Variants in MFHAS1 observed in about 807,000 individuals in gnomAD.
MFHAS1 encodes the protein malignant fibrous histiocytoma-amplified sequence 1.
MFHAS1 carries 50 observed loss-of-function variants against 70.4 expected under a neutral mutation model. The ratio of observed to expected loss-of-function variants is 0.71; its 90% CI spans 0.57 to 0.90. The LOEUF is 0.90. Ranked by LOEUF, MFHAS1 falls within the 40% of genes least tolerant of loss-of-function variation. MFHAS1 has a pLI of 0.00. For missense variants in MFHAS1, 1,795 were observed against 1,347.6 expected, an observed-to-expected ratio of 1.33 and a Z score of -5.20; for synonymous variants, 952 against 620.0, an observed-to-expected ratio of 1.54 and a Z score of -7.96.
chr8:8,859,389 C>A (rs1808577347), intron 1 of MFHAS1, among the ~76,000 whole-genome samples: 1 of 152,190 alleles, frequency 6.6e-6, no homozygotes, highest in South Asian at 2.1e-4. Context: ...AACTGTGGAA[C>A]TTCTCAGAGG....
intron 1 of MFHAS1, among the ~76,000 whole-genome samples, chr8:8,860,487 A>C (rs867554175): frequency 3.3e-5 from 5 of 152,220 alleles, no homozygotes; most frequent in African/African-American, 1.2e-4. Flanking sequence ...CTGAGAAAAT[A>C]AGGCATCAAG....
intron 1 of MFHAS1, among the ~76,000 whole-genome samples, chr8:8,845,906 C>G (rs1808013707): frequency 6.6e-6 from 1 of 152,076 alleles, no homozygotes; most frequent in Non-Finnish European, 1.5e-5. Context: ...CTCTTTCTCT[C>G]AAAACCCAGA....
intron 1 of MFHAS1, among the ~76,000 whole-genome samples, chr8:8,864,142 C>T (rs1467533848): frequency 1.3e-5 from 2 of 152,348 alleles, no homozygotes; most frequent in East Asian, 3.9e-4. Flanking sequence ...CGATTAAAGC[C>T]TTCTTCCCTG....
At position 8,817,196 on chromosome 8, in the gene MFHAS1, G is replaced by A. The variant is rs528303477; in HGVS notation, c.2999-19705C>T. Among the ~76,000 whole-genome samples, 14 of 151,584 alleles carry A rather than the reference G, an allele frequency of 9.2e-5. No homozygotes were observed. The South Asian group carries it at 2.5e-3, about 27-fold the overall frequency. On this transcript the variant is annotated intron_variant, in intron 1 of 2. Transcript: ENST00000276282. ...CTAAACTGGATATTACATCACTTCT[G>A]ATAAAATGAGTAACCACCATAATAA...
chr8:8,788,645 C>T (rs1187173048), intron 2 of MFHAS1, among the ~76,000 whole-genome samples: 1 of 152,228 alleles, frequency 6.6e-6, no homozygotes, highest in Non-Finnish European at 1.5e-5. Flanking sequence ...TGCCAATACA[C>T]TCCAGCCTGG....
At chr8:8,789,512 G>C (rs577147188) in intron 2 of MFHAS1, among the ~76,000 whole-genome samples, 8 of 152,282 alleles carry the variant, frequency 5.3e-5, no homozygotes, top group African/African-American at 1.7e-4. Context: ...CCCAGGTTAG[G>C]GAATTGAAAT....
chr8:8,821,127 C>T (rs1002028819), intron 1 of MFHAS1, among the ~76,000 whole-genome samples: 1 of 152,172 alleles, frequency 6.6e-6, no homozygotes, highest in African/African-American at 2.4e-5. Context: ...CCAACGGCCA[C>T]TCCCTGCGAG....
At chr8:8,883,733 A>G (rs1809626658) in intron 1 of MFHAS1, among the ~76,000 whole-genome samples, 1 of 149,934 alleles carries the variant, frequency 6.7e-6, no homozygotes, top group African/African-American at 2.5e-5. Flanking sequence ...AAAAAAAAAG[A>G]AAGGGCTCCC....
chr8:8,848,547 T>C (rs1334986676), intron 1 of MFHAS1, among the ~76,000 whole-genome samples: 3 of 152,228 alleles, frequency 2.0e-5, no homozygotes, highest in African/African-American at 7.2e-5. Context: ...ATCATTTAAC[T>C]GGAAATTGAA....
At chr8:8,828,738 G>C (rs1403385174) in intron 1 of MFHAS1, among the ~76,000 whole-genome samples, 1 of 152,230 alleles carries the variant, frequency 6.6e-6, no homozygotes, top group Non-Finnish European at 1.5e-5. Flanking sequence ...ACCTTTATCT[G>C]TGCAGTCCTC....
intron 1 of MFHAS1, chr8:8,860,170 G>C (rs1808608031): frequency 6.6e-6 from 1 of 152,202 alleles, no homozygotes; most frequent in Non-Finnish European, 1.5e-5. Flanking sequence ...GCACACGCAG[G>C]CCTGAGATTC....
At chr8:8,822,072 C>CT (rs2117304464) in intron 1 of MFHAS1, 1 of 152,474 alleles carries the variant, frequency 6.6e-6, no homozygotes, top group African/African-American at 2.4e-5. Context: ...AGCATGAGGC[C>CT]TTGAGACCCT....
intron 1 of MFHAS1, among the ~76,000 whole-genome samples, chr8:8,838,506 A>C (rs562790079): frequency 2.6e-5 from 4 of 152,288 alleles, no homozygotes; most frequent in Admixed American, 6.5e-5. Context: ...CCTTCTAATA[A>C]GCCTCACATA....
intron 1 of MFHAS1, among the ~76,000 whole-genome samples, chr8:8,858,322 T>C (rs950784451): frequency 1.3e-5 from 2 of 152,212 alleles, no homozygotes; most frequent in African/African-American, 4.8e-5. Context: ...TAAGCAAGTC[T>C]CAGATGTCTC....
chr8:8,860,877 A>G (rs768052694), intron 1 of MFHAS1, among the ~76,000 whole-genome samples: 2 of 152,216 alleles, frequency 1.3e-5, no homozygotes, highest in African/African-American at 4.8e-5. Context: ...GCTCATACGC[A>G]TACATATTTA....
chr8:8,836,886 T>C (rs1807615987), intron 1 of MFHAS1, among the ~76,000 whole-genome samples: 1 of 152,240 alleles, frequency 6.6e-6, no homozygotes, highest in African/African-American at 2.4e-5. Flanking sequence ...CCTCTTTTTG[T>C]TCCGCCGCAG....
intron 1 of MFHAS1, among the ~76,000 whole-genome samples, chr8:8,820,703 C>A (rs1002983833): frequency 1.3e-5 from 2 of 152,306 alleles, no homozygotes; most frequent in South Asian, 4.1e-4. Flanking sequence ...GGCTGGCTCC[C>A]GCTCTGAGAT....
chr8:8,799,961 A>G (rs1806030012), intron 1 of MFHAS1, among the ~76,000 whole-genome samples: 1 of 152,210 alleles, frequency 6.6e-6, no homozygotes, highest in Admixed American at 6.5e-5. Flanking sequence ...ATGTACCCAG[A>G]GTCAGGAGCT....
chr8:8,865,108 T>G (rs1808807371), intron 1 of MFHAS1, among the ~76,000 whole-genome samples: 1 of 151,800 alleles, frequency 6.6e-6, no homozygotes, highest in Non-Finnish European at 1.5e-5. Context: ...AAACCCCATT[T>G]CTACTAAAAA....
Sources: gnomAD v4.1 joint callset for allele counts (sites outside exome capture counted in the v4.1 genomes callset) on GRCh38, gnomAD v4.1.1 for gene constraint, MANE v1.5 for transcripts, NCBI Gene and HGNC (gene_info 2026-07-23, HGNC 2026-07-21) for gene names.